The following TCAIM variants were observed in gnomAD, a reference collection of about 807,000 sequenced individuals.
TCAIM encodes the protein T-cell activation inhibitor, mitochondrial.
A neutral mutation model predicts 58.6 loss-of-function variants in TCAIM; 36 were observed. The ratio of observed to expected loss-of-function variants is 0.61; its 90% CI spans 0.47 to 0.81. The LOEUF (loss-of-function observed/expected upper bound fraction) is 0.81, where lower values mean the gene tolerates loss of function less well. Ranked by LOEUF, TCAIM falls within the 30% of genes least tolerant of loss-of-function variation. TCAIM has a pLI of 0.00. For synonymous variants in TCAIM, 172 were observed against 193.6 expected, an observed-to-expected ratio of 0.89 and a Z score of 0.93; for missense variants, 466 against 579.6, an observed-to-expected ratio of 0.80 and a Z score of 2.01.
intron 5 of TCAIM, among the ~76,000 whole-genome samples, chr3:44,371,984 TAGAGAG>T (rs200207555): frequency 2.6e-4 from 33 of 126,220 alleles, no homozygotes; most frequent in African/African-American, 9.7e-4. Flanking sequence ...GAAATAGTAA[TAGAGAG>T]AGAGAGAGAG....
intron 5 of TCAIM, among the ~76,000 whole-genome samples, chr3:44,380,067 A>G (rs543276844): frequency 1.3e-5 from 2 of 152,292 alleles, no homozygotes; most frequent in African/African-American, 2.4e-5. Context: ...TTTTAACTCA[A>G]TTAGATCATA....
chr3:44,382,030 A>C (rs1384140017), intron 5 of TCAIM, among the ~76,000 whole-genome samples: 1 of 152,220 alleles, frequency 6.6e-6, no homozygotes, highest in Non-Finnish European at 1.5e-5. Context: ...AGAAGATAAT[A>C]TTACTAAGAT....
intron 4 of TCAIM, among the ~76,000 whole-genome samples, chr3:44,364,977 A>G (rs767023061): frequency 3.2e-4 from 49 of 152,174 alleles, no homozygotes; most frequent in Non-Finnish European, 6.8e-4. Context: ...TATCCTGAGG[A>G]ACCAGTAAAG....
intron 5 of TCAIM, among the ~76,000 whole-genome samples, chr3:44,378,255 C>T (rs1701597563): frequency 6.6e-6 from 1 of 151,946 alleles, no homozygotes; most frequent in Non-Finnish European, 1.5e-5. Context: ...GTGGCACATG[C>T]CTGTAATCCC....
chr3:44,403,487 T>G (rs1702053878), intron 10 of TCAIM, among the ~76,000 whole-genome samples: 1 of 152,232 alleles, frequency 6.6e-6, no homozygotes, highest in Non-Finnish European at 1.5e-5. Context: ...TGCTATTTCT[T>G]TTCTAAATTT....
chr3:44,400,276 G>T, intron 8 of TCAIM, 79 bp from the exon 9 acceptor site: 1 of 1,092,634 alleles, frequency 9.2e-7, no homozygotes, highest in Non-Finnish European at 1.3e-6. Flanking sequence ...ATGTCTTAAT[G>T]CCATTTATTG....
chr3:44,365,594 G>T (rs1701361513), intron 4 of TCAIM, among the ~76,000 whole-genome samples: 4 of 152,100 alleles, frequency 2.6e-5, no homozygotes, highest in Admixed American at 2.6e-4. Context: ...TTCCAAAGTG[G>T]TGGGATTACA....
At chr3:44,406,855 C>T (rs1702109143) in intron 10 of TCAIM, among the ~76,000 whole-genome samples, 1 of 152,158 alleles carries the variant, frequency 6.6e-6, no homozygotes, top group African/African-American at 2.4e-5. Context: ...GTATTTGAGA[C>T]ACTGAGTTCT....
intron 1 of TCAIM, among the ~76,000 whole-genome samples, chr3:44,352,132 A>G (rs1199456330): frequency 6.6e-6 from 1 of 150,514 alleles, no homozygotes; most frequent in African/African-American, 2.4e-5. Context: ...GGTACTTAAA[A>G]TGTGACAGAA....
intron 4 of TCAIM, among the ~76,000 whole-genome samples, chr3:44,363,639 T>C (rs1365152849): frequency 1.3e-5 from 2 of 152,210 alleles, no homozygotes; most frequent in African/African-American, 4.8e-5. Context: ...TAAATGTTGT[T>C]ATTAGAATAA....
At chr3:44,391,035 G>A (rs117603372) in intron 5 of TCAIM, among the ~76,000 whole-genome samples, 1 of 152,124 alleles carries the variant, frequency 6.6e-6, no homozygotes, top group East Asian at 1.9e-4. Flanking sequence ...ACTTCCCTTG[G>A]GTAGCCAGTG....
chr3:44,400,413 A>G lies in TCAIM; in HGVS notation c.944A>G (p.Asp315Gly). Residue 315 changes from aspartate to glycine, a missense_variant, in exon 9 of 11, where the codon GAC becomes GGC. Transcript: ENST00000342649. ...DLQRRLMILE[D>G]QISYLLGGIQ... ...CAGAGGAGGCTGATGATTTTAGAAG[A>G]CCAAATAAGCTATCTTTTAGGTGGC... 1 of 1,613,874 alleles carries G rather than the reference A, an allele frequency of 6.2e-7. No homozygotes were observed. Among genetic ancestry groups the G allele is most frequent in the Non-Finnish European group, 8.5e-7 (1 of 1,179,892 alleles).
chr3:44,341,137 T>C (rs756678021), intron 1 of TCAIM: 27 of 152,186 alleles, frequency 1.8e-4, no homozygotes, highest in Admixed American at 1.4e-3. Flanking sequence ...TCTAGAAATA[T>C]GAATTGGCTG....
At chr3:44,372,564 T>TA (rs1273470317) in intron 5 of TCAIM, among the ~76,000 whole-genome samples, 1 of 152,090 alleles carries the variant, frequency 6.6e-6, no homozygotes, top group African/African-American at 2.4e-5. Flanking sequence ...ATTTACAAAT[T>TA]ACATTCATTG....
chr3:44,359,433 T>G (rs1701259577), intron 3 of TCAIM: 1 of 152,174 alleles, frequency 6.6e-6, no homozygotes. Flanking sequence ...AACAATGTGA[T>G]TTATAGTGAA....
intron 3 of TCAIM, chr3:44,358,221 A>G (rs1425868013): frequency 2.6e-6 from 4 of 1,558,514 alleles, no homozygotes; most frequent in Non-Finnish European, 3.5e-6. Flanking sequence ...TTTAAGGATG[A>G]TACATGGAAG....
rs114147259 is a variant in TCAIM, at chr3:44,380,651, G to A, written c.573-12204G>A. 9.6e-3 allele frequency among the ~76,000 whole-genome samples: 1,465 copies of A among 152,046 alleles called. 13 individuals are homozygous for A. The highest frequency in any genetic ancestry group is 0.013 in the Non-Finnish European group (881 of 67,970). ...GAGGGAAATAATAAAGATTAGAGCAGATAACCAAAGTAGATATTAGATAAA... is the reference window on the plus strand; with the variant it reads ...GAGGGAAATAATAAAGATTAGAGCAAATAACCAAAGTAGATATTAGATAAA... On this transcript the variant is annotated intron_variant, in intron 5 of 10. Transcript: ENST00000342649.
chr3:44,378,109 G>A (rs1458579281), intron 5 of TCAIM, among the ~76,000 whole-genome samples: 6 of 152,114 alleles, frequency 3.9e-5, no homozygotes, highest in East Asian at 3.9e-4. Flanking sequence ...TGCTGGGTGC[G>A]GTGGCTCACA....
At chr3:44,363,876 A>G (rs1701327773) in intron 4 of TCAIM, among the ~76,000 whole-genome samples, 1 of 140,590 alleles carries the variant, frequency 7.1e-6, no homozygotes, top group East Asian at 2.3e-4. Context: ...TGAGCCCAGG[A>G]GTTTGAGGCT....
Sources: allele counts gnomAD v4.1 joint callset (sites outside exome capture counted in the v4.1 genomes callset), GRCh38; gene constraint gnomAD v4.1.1; transcripts MANE v1.5; gene names NCBI Gene and HGNC (gene_info 2026-07-23, HGNC 2026-07-21).